DPP10: variants seen among roughly 807,000 people sequenced by gnomAD.
The protein encoded by DPP10 is dipeptidyl peptidase like 10.
Under a neutral mutation model 120.9 loss-of-function variants are expected in DPP10, and 33 were observed. The ratio of observed to expected loss-of-function variants is 0.27; its 90% CI spans 0.21 to 0.37. The LOEUF is 0.37. Ranked by LOEUF, DPP10 falls within the 10% of genes least tolerant of loss-of-function variation. The pLI is 1.00. For missense variants in DPP10, 816 were observed against 942.8 expected, an observed-to-expected ratio of 0.87 and a Z score of 1.76; for synonymous variants, 337 against 326.1, an observed-to-expected ratio of 1.03 and a Z score of -0.36.
At chr2:115,309,689 G>A (rs188986695) in intron 2 of DPP10, among the ~76,000 whole-genome samples, 252 of 152,160 alleles carry the variant, frequency 1.7e-3, no homozygotes, top group Non-Finnish European at 2.9e-3. Flanking sequence ...GAAGATGAGG[G>A]AGTGGCATCT....
intron 1 of DPP10, among the ~76,000 whole-genome samples, chr2:114,540,164 A>G (rs1329460409): frequency 6.6e-6 from 1 of 152,250 alleles, no homozygotes; most frequent in African/African-American, 2.4e-5. Flanking sequence ...AAGGTATCAA[A>G]TGCAAAGTGA....
chr2:115,053,600 C>T (rs72947879), intron 1 of DPP10, among the ~76,000 whole-genome samples: 22,248 of 152,012 alleles, frequency 0.15, 1,729 homozygotes, highest in African/African-American at 0.21. Context: ...ATTTTTAAAT[C>T]GTTAAAATGG....
intron 1 of DPP10, among the ~76,000 whole-genome samples, chr2:114,787,267 C>T (rs74648529): frequency 0.024 from 3,652 of 152,114 alleles, 158 homozygotes; most frequent in African/African-American, 0.084. Flanking sequence ...AAGTGCAAAA[C>T]CATGGGGGCA....
intron 1 of DPP10, among the ~76,000 whole-genome samples, chr2:114,907,140 TAA>T (rs35061861): frequency 1.3e-5 from 2 of 151,482 alleles, no homozygotes; most frequent in Non-Finnish European, 3.0e-5. Flanking sequence ...CTTTCATATT[TAA>T]AAAAAAATAT....
chr2:114,594,583 C>G (rs1171752364), intron 1 of DPP10, among the ~76,000 whole-genome samples: 1 of 147,350 alleles, frequency 6.8e-6, no homozygotes, highest in Admixed American at 6.8e-5. Flanking sequence ...ACATATATAT[C>G]TCATATATAT....
Position 114,788,417 on chromosome 2 carries a change from A to T in DPP10, c.60+345579A>T, listed in dbSNP as rs1439500467. 4.8e-5 allele frequency among the ~76,000 whole-genome samples: 7 copies of T among 145,822 alleles called. No homozygotes were observed. In the East Asian group the frequency reaches 6.1e-4, roughly 13 times the overall value. ...ATTGCACATGGAAAAGAACATGTAC[A>T]TTTTTTTTTTTTTCCTTGAGACGGA... On this transcript the variant is annotated intron_variant, in intron 1 of 25. Coordinates refer to ENST00000410059, the MANE Select transcript of DPP10 (RefSeq NM_020868.6).
intron 1 of DPP10, among the ~76,000 whole-genome samples, chr2:115,221,088 T>G (rs997201232): frequency 2.7e-5 from 4 of 150,918 alleles, no homozygotes; most frequent in African/African-American, 9.7e-5. Context: ...ATATTTCCAC[T>G]TTTTTTTTGC....
At chr2:115,813,117 G>A (rs2150029167) in intron 19 of DPP10, among the ~76,000 whole-genome samples, 1 of 150,678 alleles carries the variant, frequency 6.6e-6, no homozygotes, top group African/African-American at 2.5e-5. Context: ...GAGTAGCTGG[G>A]ACTACAGGCG....
At chr2:115,400,554 A>G (rs2067998388) in intron 3 of DPP10, among the ~76,000 whole-genome samples, 1 of 152,098 alleles carries the variant, frequency 6.6e-6, no homozygotes, top group Non-Finnish European at 1.5e-5. Flanking sequence ...TTGTAGGTTG[A>G]GAGACTGTAA....
chr2:115,647,536 T>C (rs1272143421), intron 5 of DPP10, among the ~76,000 whole-genome samples: 3 of 151,994 alleles, frequency 2.0e-5, no homozygotes, highest in African/African-American at 7.2e-5. Flanking sequence ...AAATAGTACA[T>C]GGTAAAAAAA....
At chr2:115,632,198 T>C (rs2085930809) in intron 5 of DPP10, among the ~76,000 whole-genome samples, 1 of 152,158 alleles carries the variant, frequency 6.6e-6, no homozygotes, top group African/African-American at 2.4e-5. Flanking sequence ...TCTGTGTTGG[T>C]TTAAAGTCTG....
At chr2:114,882,434 C>T (rs1691721062) in intron 1 of DPP10, among the ~76,000 whole-genome samples, 1 of 150,642 alleles carries the variant, frequency 6.6e-6, no homozygotes, top group Non-Finnish European at 1.5e-5. Flanking sequence ...TATATTCTCA[C>T]TTATAAGTGG....
chr2:114,466,967 G>A (rs1679439032), intron 1 of DPP10, among the ~76,000 whole-genome samples: 3 of 151,698 alleles, frequency 2.0e-5, no homozygotes, highest in African/African-American at 4.8e-5. Flanking sequence ...GCTTGAACCC[G>A]GAAGGCGGAA....
At chr2:114,830,847 A>G (rs1249834825) in intron 1 of DPP10, among the ~76,000 whole-genome samples, 5 of 152,132 alleles carry the variant, frequency 3.3e-5, no homozygotes, top group African/African-American at 9.6e-5. Context: ...AGGTCTTTAC[A>G]TTGCATCAAC....
chr2:114,503,205 A>T (rs1683348002), intron 1 of DPP10, among the ~76,000 whole-genome samples: 1 of 152,166 alleles, frequency 6.6e-6, no homozygotes, highest in Non-Finnish European at 1.5e-5. Context: ...CCAACTTTAT[A>T]AAAGGAGGGA....
intron 1 of DPP10, among the ~76,000 whole-genome samples, chr2:114,718,254 G>A (rs1030578227): frequency 6.6e-5 from 10 of 151,836 alleles, no homozygotes; most frequent in African/African-American, 2.4e-4. Flanking sequence ...CTAGCCATAT[G>A]TGGCTGTATA....
intron 1 of DPP10, among the ~76,000 whole-genome samples, chr2:114,636,311 T>G (rs369712252): frequency 5.9e-5 from 9 of 152,018 alleles, no homozygotes; most frequent in African/African-American, 2.2e-4. Flanking sequence ...TAAATAAACC[T>G]AATAATTTTT....
intron 1 of DPP10, among the ~76,000 whole-genome samples, chr2:114,618,039 C>A (rs1001315549): frequency 6.6e-6 from 1 of 151,956 alleles, no homozygotes; most frequent in Non-Finnish European, 1.5e-5. Flanking sequence ...GTTTAAATAC[C>A]AAATGGGTCC....
chr2:115,584,653 G>T (rs182319322), intron 5 of DPP10, among the ~76,000 whole-genome samples: 1 of 152,178 alleles, frequency 6.6e-6, no homozygotes. Context: ...TTAGAAAGCT[G>T]CATTTGATGC....
Sources: gnomAD v4.1 joint callset for allele counts (sites outside exome capture counted in the v4.1 genomes callset) on GRCh38, gnomAD v4.1.1 for gene constraint, MANE v1.5 for transcripts, NCBI Gene and HGNC (gene_info 2026-07-23, HGNC 2026-07-21) for gene names.